NRCAM: variants seen among roughly 807,000 people sequenced by gnomAD.
The protein encoded by NRCAM is neuronal cell adhesion molecule, also known as NgCAM-related cell adhesion molecule.
Under a neutral mutation model 156.5 loss-of-function variants are expected in NRCAM, and 83 were observed. The ratio of observed to expected loss-of-function variants is 0.53; its 90% CI spans 0.44 to 0.64. The LOEUF (loss-of-function observed/expected upper bound fraction) is 0.64. Among genes scored for constraint, NRCAM ranks in the 30% least tolerant of loss-of-function variants. NRCAM has a pLI of 0.00. For missense variants in NRCAM, 1,417 were observed against 1,597.3 expected (o/e 0.89, Z 1.92); for synonymous variants, 538 against 563.9 (o/e 0.95, Z 0.65).
At chr7:108,169,477 A>C (rs1388270079) in intron 28 of NRCAM, among the ~76,000 whole-genome samples, 1 of 152,220 alleles carries the variant, frequency 6.6e-6, no homozygotes, top group Non-Finnish European at 1.5e-5. Flanking sequence ...TAAAATGTAG[A>C]CGCTCAAGAC....
chr7:108,163,015 A>G (rs1207101520), intron 30 of NRCAM, among the ~76,000 whole-genome samples: 3 of 152,124 alleles, frequency 2.0e-5, no homozygotes, highest in African/African-American at 7.2e-5. Context: ...ACATACACAC[A>G]CATGCGCATA....
chr7:108,303,013 G>A (rs1280365221), intron 3 of NRCAM, among the ~76,000 whole-genome samples: 3 of 152,142 alleles, frequency 2.0e-5, no homozygotes, highest in Non-Finnish European at 4.4e-5. Context: ...CCAGGTTGGA[G>A]TGCAGTGGCT....
chr7:108,225,042 C>T (rs1399302048), intron 10 of NRCAM, among the ~76,000 whole-genome samples: 1 of 152,154 alleles, frequency 6.6e-6, no homozygotes, highest in Non-Finnish European at 1.5e-5. Context: ...GAGAACATTT[C>T]CCTTAAGGGA....
At chr7:108,401,601 AGCTAGACACTGT>A (rs769554552) in intron 1 of NRCAM, among the ~76,000 whole-genome samples, 3 of 152,160 alleles carry the variant, frequency 2.0e-5, no homozygotes, top group African/African-American at 4.8e-5. Flanking sequence ...ACCTTCTATG[AGCTAGACACTGT>A]GCCAAGAAGT....
At chr7:108,368,224 A>ACCCCCCC (rs67897117) in intron 2 of NRCAM, among the ~76,000 whole-genome samples, 60 of 90,986 alleles carry the variant, frequency 6.6e-4, no homozygotes, top group Middle Eastern at 4.5e-3. Flanking sequence ...ACACTTTCAT[A>ACCCCCCC]CCCCCCCCCA....
At chr7:108,362,349 C>T (rs1192527926) in intron 2 of NRCAM, among the ~76,000 whole-genome samples, 1 of 152,196 alleles carries the variant, frequency 6.6e-6, no homozygotes, top group Admixed American at 6.5e-5. Flanking sequence ...CTAATATCAT[C>T]ACCCTGAGGG....
intron 3 of NRCAM, among the ~76,000 whole-genome samples, chr7:108,280,775 T>C (rs547248311): frequency 1.3e-5 from 2 of 152,342 alleles, no homozygotes; most frequent in Non-Finnish European, 1.5e-5. Flanking sequence ...CACCTTAATA[T>C]GATTTCTTAA....
At chr7:108,366,544 C>T (rs755598046) in intron 2 of NRCAM, among the ~76,000 whole-genome samples, 18 of 151,310 alleles carry the variant, frequency 1.2e-4, no homozygotes, top group Non-Finnish European at 1.6e-4. Flanking sequence ...CCTCATTGGA[C>T]GAATTGCTTA....
At chr7:108,157,526 G>A (rs560755985) in intron 32 of NRCAM, among the ~76,000 whole-genome samples, 1 of 152,190 alleles carries the variant, frequency 6.6e-6, no homozygotes, top group African/African-American at 2.4e-5. Context: ...AAAACTAACA[G>A]TCTTTTGATT....
chr7:108,250,497 C>T (rs1014985195), intron 3 of NRCAM, among the ~76,000 whole-genome samples: 13 of 146,930 alleles, frequency 8.8e-5, no homozygotes, highest in African/African-American at 2.5e-4. Flanking sequence ...AAGCCAGGCA[C>T]GGAAATACAC....
intron 2 of NRCAM, among the ~76,000 whole-genome samples, chr7:108,368,447 T>C (rs16872511): frequency 6.6e-6 from 1 of 151,934 alleles, no homozygotes; most frequent in East Asian, 1.9e-4. Flanking sequence ...CAGTAAAAAA[T>C]CTTTTCCGTT....
intron 14 of NRCAM, among the ~76,000 whole-genome samples, chr7:108,197,256 G>C (rs2075639317): frequency 6.6e-6 from 1 of 152,156 alleles, no homozygotes; most frequent in Non-Finnish European, 1.5e-5. Flanking sequence ...CTCTTCATAG[G>C]ATTAGTGACC....
At chr7:108,230,364 C>CA (rs1399180701) in intron 8 of NRCAM, among the ~76,000 whole-genome samples, 1 of 152,106 alleles carries the variant, frequency 6.6e-6, no homozygotes, top group African/African-American at 2.4e-5. Flanking sequence ...GCAGTGGCCC[C>CA]AACAGTCTCT....
In NRCAM at chr7:108,147,935, T is replaced by A. The variant is rs1463864428; in HGVS notation, c.*1975A>T. ...ATATTGGCAAATTTAAAGTAACTTT[T>A]AATCTTTGTGCTCTCTGATGCCAAG... On this transcript the variant is annotated 3_prime_UTR_variant, in exon 33 of 33. Transcript: ENST00000379028. 6.5e-6 allele frequency: 1 copy of A among 152,710 alleles called. No individual in the cohort carries two copies. The highest frequency in any genetic ancestry group is 6.5e-5 in the Admixed American group (1 of 15,288). The allele number at this position is 152,710 out of a possible 1,614,324, so 9.5% of individuals were successfully genotyped here. A position where few individuals can be genotyped will look rare whatever the true frequency, so the allele number is the denominator to read the frequency against.
intron 1 of NRCAM, among the ~76,000 whole-genome samples, chr7:108,414,234 G>A (rs1320671934): frequency 6.6e-6 from 1 of 152,212 alleles, no homozygotes; most frequent in Non-Finnish European, 1.5e-5. Context: ...GCAAAGTACA[G>A]TGTGATCCCA....
Position 108,223,856 on chromosome 7 carries a change from T to A in NRCAM, c.779-20A>T. 1 of 1,125,810 alleles carries A rather than the reference T, an allele frequency of 8.9e-7. No individual in the cohort carries two copies. Among genetic ancestry groups the A allele is most frequent in the Non-Finnish European group, 1.4e-6 (1 of 735,172 alleles). The allele number at this position is 1,125,810 out of a possible 1,614,324, so 69.7% of individuals were successfully genotyped here. A position where few individuals can be genotyped will look rare whatever the true frequency, so the allele number is the denominator to read the frequency against. On this transcript the variant is annotated intron_variant, in intron 10 of 32. Transcript: ENST00000379028. Reference sequence around the variant, plus strand: ...ATTTAGCTGCAAACAAGAAAATCAGTATGCATTACAACTTATAAATATGTA... The same window carrying A: ...ATTTAGCTGCAAACAAGAAAATCAGAATGCATTACAACTTATAAATATGTA...
intron 32 of NRCAM, among the ~76,000 whole-genome samples, chr7:108,155,144 A>G (rs945461850): frequency 4.6e-5 from 5 of 109,248 alleles, no homozygotes; most frequent in Non-Finnish European, 9.3e-5. Flanking sequence ...ACACACACAC[A>G]TATAGCAGAC....
intron 20 of NRCAM, among the ~76,000 whole-genome samples, chr7:108,187,428 T>A (rs140539912): frequency 6.6e-5 from 10 of 152,340 alleles, no homozygotes; most frequent in African/African-American, 2.4e-4. Flanking sequence ...CCTAGACAAC[T>A]GCATAGTGTG....
At chr7:108,414,192 T>C (rs753803867) in intron 1 of NRCAM, among the ~76,000 whole-genome samples, 4 of 151,994 alleles carry the variant, frequency 2.6e-5, no homozygotes, top group Admixed American at 1.3e-4. Flanking sequence ...AAAAGATCAA[T>C]TCCTTGCCAT....
Sources: gnomAD v4.1 joint callset for allele counts (sites outside exome capture counted in the v4.1 genomes callset) on GRCh38, gnomAD v4.1.1 for gene constraint, MANE v1.5 for transcripts, NCBI Gene and HGNC (gene_info 2026-07-23, HGNC 2026-07-21) for gene names.